MGMT: variants seen among roughly 807,000 people sequenced by gnomAD.
The protein encoded by MGMT is O-6-methylguanine-DNA methyltransferase.
Under a neutral mutation model 15.9 loss-of-function variants are expected in MGMT, and 14 were observed. That is an observed-to-expected ratio of 0.88 (90% confidence interval 0.58 to 1.37). MGMT has a LOEUF of 1.37. Among genes scored for constraint, MGMT ranks in the 40% most tolerant of loss-of-function variants. The pLI, the probability that MGMT is intolerant of heterozygous loss-of-function variation, is 0.00. For missense variants in MGMT, 282 were observed against 268.1 expected (o/e 1.05, Z -0.36); for synonymous variants, 130 against 118.2 (o/e 1.10, Z -0.65).
chr10:129,592,666 T>C (rs1360689427), intron 2 of MGMT, among the ~76,000 whole-genome samples: 1 of 152,156 alleles, frequency 6.6e-6, no homozygotes, highest in Non-Finnish European at 1.5e-5. Flanking sequence ...GTAGATTTTC[T>C]TCCTGCACGT....
intron 3 of MGMT, among the ~76,000 whole-genome samples, chr10:129,758,333 C>T (rs920206471): frequency 2.0e-5 from 3 of 152,152 alleles, no homozygotes; most frequent in Non-Finnish European, 4.4e-5. Flanking sequence ...GAAACTCCTG[C>T]CCCTGGAGGG....
At chr10:129,593,514 T>A (rs1846714516) in intron 2 of MGMT, among the ~76,000 whole-genome samples, 1 of 152,208 alleles carries the variant, frequency 6.6e-6, no homozygotes. Flanking sequence ...TTGAACTACG[T>A]CAACGGAATT....
chr10:129,593,715 G>A (rs946291727), intron 2 of MGMT, among the ~76,000 whole-genome samples: 1 of 152,184 alleles, frequency 6.6e-6, no homozygotes, highest in Non-Finnish European at 1.5e-5. Flanking sequence ...GCATGTGTGG[G>A]GAAAGTACGC....
intron 2 of MGMT, among the ~76,000 whole-genome samples, chr10:129,562,751 C>T (rs754286892): frequency 7.9e-5 from 12 of 152,174 alleles, no homozygotes; most frequent in East Asian, 3.8e-4. Context: ...GCACTGACTA[C>T]GCAGCCTCTG....
intron 2 of MGMT, among the ~76,000 whole-genome samples, chr10:129,573,508 G>T (rs1846443657): frequency 6.6e-6 from 1 of 151,808 alleles, no homozygotes; most frequent in African/African-American, 2.4e-5. Context: ...TTAACCTTAA[G>T]ATTTTTTTTT....
intron 2 of MGMT, among the ~76,000 whole-genome samples, chr10:129,628,735 G>A (rs1418453875): frequency 6.6e-6 from 1 of 152,236 alleles, no homozygotes; most frequent in East Asian, 1.9e-4. Context: ...AGACTGCTGG[G>A]AGCGTTGGCT....
rs112924862 is a variant in MGMT at position 129,567,768 on chromosome 10, A to G, written c.125+31391A>G. Reference sequence around the variant, plus strand: ...ATACAAATCACTTCCATATCACAAAATGTTCTTGGTCAAAATTGGCTTGAG... The same window carrying G: ...ATACAAATCACTTCCATATCACAAAGTGTTCTTGGTCAAAATTGGCTTGAG... On this transcript the variant is annotated intron_variant, in intron 2 of 4. Transcript: ENST00000651593. 1.7e-3 allele frequency among the ~76,000 whole-genome samples: 253 copies of G among 152,330 alleles called. 1 individual carries two copies. Among genetic ancestry groups the G allele is most frequent in the Non-Finnish European group, 3.2e-3 (219 of 68,028 alleles).
chr10:129,533,898 G>A lies in MGMT; in HGVS notation c.-12-2343G>A, dbSNP rs544574792. On this transcript the variant is annotated intron_variant, in intron 1 of 4. Coordinates refer to ENST00000651593, the MANE Select transcript of MGMT (RefSeq NM_002412.5). This position sits in a 1 kb window ranked among gnomAD's most constrained non-coding sequence, Gnocchi z 4.5. ...AGGCAGTCACTTTGGAAGAATGGGC[G>A]GGATGGTGATGATTTGAATGAGACT... is the stretch of plus-strand genomic sequence containing the variant. Among the ~76,000 whole-genome samples, 10 of 152,200 alleles carry A rather than the reference G, an allele frequency of 6.6e-5. No individual in the cohort carries two copies. Among genetic ancestry groups the A allele is most frequent in the South Asian group, 4.1e-4 (2 of 4,820 alleles).
intron 2 of MGMT, among the ~76,000 whole-genome samples, chr10:129,663,012 T>C (rs934813662): frequency 6.6e-6 from 1 of 152,058 alleles, no homozygotes; most frequent in African/African-American, 2.4e-5. Context: ...TGGCCACAAG[T>C]AAGGAATGAT....
At chr10:129,743,603 T>C (rs1848662641) in intron 3 of MGMT, among the ~76,000 whole-genome samples, 1 of 152,222 alleles carries the variant, frequency 6.6e-6, no homozygotes, top group Admixed American at 6.5e-5. Flanking sequence ...AGTGCGTGCA[T>C]TTAATTCACG....
intron 2 of MGMT, among the ~76,000 whole-genome samples, chr10:129,578,449 C>T (rs955382321): frequency 1.3e-5 from 2 of 151,454 alleles, no homozygotes; most frequent in African/African-American, 2.4e-5. Context: ...AACCAAACAC[C>T]GCATGTTCTC....
At chr10:129,503,018 G>T (rs576246054) in intron 1 of MGMT, among the ~76,000 whole-genome samples, 1 of 151,928 alleles carries the variant, frequency 6.6e-6, no homozygotes, top group Non-Finnish European at 1.5e-5. Flanking sequence ...TTGTAAAGTC[G>T]TATTTGTTTA....
At chr10:129,614,324 C>T (rs1376446752) in intron 2 of MGMT, among the ~76,000 whole-genome samples, 1 of 152,202 alleles carries the variant, frequency 6.6e-6, no homozygotes, top group African/African-American at 2.4e-5. Flanking sequence ...CCGTTTCCCC[C>T]ACACCTGATC....
At chr10:129,642,398 C>A (rs912474830) in intron 2 of MGMT, among the ~76,000 whole-genome samples, 3 of 151,662 alleles carry the variant, frequency 2.0e-5, no homozygotes, top group Non-Finnish European at 4.4e-5. Context: ...TCTTTATAAC[C>A]AAGGAGAATC....
chr10:129,589,506 G>T (rs557306945), intron 2 of MGMT, among the ~76,000 whole-genome samples: 2 of 152,344 alleles, frequency 1.3e-5, no homozygotes, highest in Admixed American at 6.5e-5. Context: ...ACATTTATTT[G>T]CTTCTTGTGG....
intron 2 of MGMT, among the ~76,000 whole-genome samples, chr10:129,626,523 C>T (rs1847151691): frequency 1.3e-5 from 2 of 152,178 alleles, no homozygotes; most frequent in South Asian, 2.1e-4. Context: ...CATGTTCTGC[C>T]TGCTGCCGCC....
chr10:129,580,240 CA>C (rs936642348), intron 2 of MGMT, among the ~76,000 whole-genome samples: 3 of 152,178 alleles, frequency 2.0e-5, no homozygotes, highest in South Asian at 2.1e-4. Context: ...TGCGCAGGAT[CA>C]GGGGGATGCG....
At chr10:129,538,624 C>A (rs1846010963) in intron 2 of MGMT, among the ~76,000 whole-genome samples, 1 of 151,894 alleles carries the variant, frequency 6.6e-6, no homozygotes, top group Admixed American at 6.6e-5. Flanking sequence ...CTACTCAAGT[C>A]TTTTGCCCAT....
intron 3 of MGMT, among the ~76,000 whole-genome samples, chr10:129,721,980 G>C (rs935478687): frequency 3.3e-5 from 5 of 151,988 alleles, no homozygotes; most frequent in African/African-American, 1.2e-4. Context: ...TAGATTAGTA[G>C]ACTGGTTTAA....
Sources: gnomAD v4.1 joint callset for allele counts (sites outside exome capture counted in the v4.1 genomes callset) on GRCh38, gnomAD v4.1.1 for gene constraint, Gnocchi (gnomAD v3.1) non-coding constraint, MANE v1.5 for transcripts, NCBI Gene and HGNC (gene_info 2026-07-23, HGNC 2026-07-21) for gene names.